The following CTC1 variants were observed in gnomAD, a reference collection of about 807,000 sequenced individuals.
The protein encoded by CTC1 is CST complex subunit CTC1.
In CTC1, 91 loss-of-function variants were observed where a neutral mutation model predicts 136.3. The observed-to-expected ratio is 0.67, with a 90% confidence interval of 0.56 to 0.79. CTC1 has a LOEUF of 0.79. Among genes scored for constraint, CTC1 ranks in the 30% least tolerant of loss-of-function variants. CTC1 has a pLI of 0.00. For missense variants in CTC1, 1,432 were observed against 1,498.1 expected, an observed-to-expected ratio of 0.96 and a Z score of 0.73; for synonymous variants, 606 against 613.8, an observed-to-expected ratio of 0.99 and a Z score of 0.19.
In CTC1 at chr17:8,244,031, T is replaced by G. The variant is rs372899340; in HGVS notation, c.34-883A>C. 7.0e-4 allele frequency among the ~76,000 whole-genome samples: 107 copies of G among 152,290 alleles called. 3 individuals carry two copies. In the South Asian group the frequency reaches 0.016, roughly 22 times the overall value. ...CTTCAGTGAACCCAGATGGCGCCAC[T>G]GCACTCTGGCCTGGGTGACAGAGTG... On this transcript the variant is annotated intron_variant, in intron 1 of 22. Transcript: ENST00000651323.
rs200759730 is a variant in CTC1 at position 8,231,762 on chromosome 17, C to T, written c.2439G>A (p.Pro813=). 2.0e-5 allele frequency: 32 copies of T among 1,614,022 alleles called. No individual in the cohort carries two copies. The highest frequency in any genetic ancestry group is 3.3e-4 in the Middle Eastern group (2 of 6,084). ...SSVRWFEFLH[P]GQVYRLIAPG... is the part of the protein sequence containing the mutation. ...GAGCTATGAGTCGGTACACCTGTCCCGGGTGCAAGAACTCAAACCAGCGGA... is the reference window on the plus strand; with the variant it reads ...GAGCTATGAGTCGGTACACCTGTCCTGGGTGCAAGAACTCAAACCAGCGGA... The change falls in exon 14 of 23, where the codon CCG becomes CCA. Residue 813 remains proline (P), a synonymous_variant. Coordinates refer to ENST00000651323, the MANE Select transcript of CTC1 (RefSeq NM_025099.6).
intron 11 of CTC1, 49 bp downstream of exon 11, chr17:8,232,857 G>A: frequency 5.6e-6 from 9 of 1,600,406 alleles, no homozygotes; most frequent in Non-Finnish European, 6.8e-6. Context: ...CCCTGGCTAT[G>A]AGAACCACCA....
At position 8,226,784 on chromosome 17, in the gene CTC1, A is replaced by G. The variant is rs534584342; in HGVS notation, c.*1396T>C. 3 of 152,294 alleles carry G rather than the reference A, an allele frequency of 2.0e-5. No individual in the cohort carries two copies. The East Asian group carries it at 5.8e-4, about 29-fold the overall frequency. 9.4% of individuals were successfully genotyped at this position (152,294 alleles called of 1,614,324 possible). ...ATGAAAGCGCTTCAGGGAAAAAAAG[A>G]CGCGGCGGTTGCACGTGAACCTTCC... On this transcript the variant is annotated 3_prime_UTR_variant, in exon 23 of 23. Transcript: ENST00000651323.
At chr17:8,233,905 C>G (rs1048821621) in intron 10 of CTC1, among the ~76,000 whole-genome samples, 3 of 152,216 alleles carry the variant, frequency 2.0e-5, no homozygotes, top group Admixed American at 2.0e-4. Context: ...CCAATGCACT[C>G]TAGCCTGGGC....
Position 8,230,622 on chromosome 17 carries a change from G to A in CTC1, c.2699C>T (p.Ala900Val), listed in dbSNP as rs1408453833. 2.5e-6 allele frequency: 4 copies of A among 1,614,196 alleles called. No homozygotes were observed. In the East Asian group the frequency reaches 8.9e-5, roughly 36 times the overall value. Residue 900 changes from alanine (A) to valine (V), a missense_variant, in exon 16 of 23, where the codon GCT (alanine) becomes GTT (valine). Ala to Val is a moderately conservative substitution (Grantham distance 64). Transcript: ENST00000651323. The part of the protein sequence containing the change: ...NFTDSLVSFS[A>V]EILSRTLCEP... ...ACATAGTGTCCGTGACAAAATCTCA[G>A]CGGAGAAAGACACCAAGGAATCTGT...
intron 1 of CTC1, 75 bp from the exon 2 acceptor site, chr17:8,243,223 AG>A (rs1258578423): frequency 7.0e-7 from 1 of 1,427,090 alleles, no homozygotes; most frequent in Non-Finnish European, 9.5e-7. Context: ...ATAAAGGACT[AG>A]AAAAAAATAT....
rs1414309189 is a variant in CTC1, at chr17:8,225,958, T to C, written c.*2222A>G. 2 of 152,046 alleles carry C rather than the reference T, an allele frequency of 1.3e-5. No homozygotes were observed. The highest frequency in any genetic ancestry group is 2.4e-5 in the African/African-American group (1 of 41,360). The allele number at this position is 152,046 out of a possible 1,614,324, so 9.4% of individuals were successfully genotyped here. On this transcript the variant is annotated 3_prime_UTR_variant, in exon 23 of 23. Coordinates refer to ENST00000651323, the MANE Select transcript of CTC1 (RefSeq NM_025099.6). ...AGAGGCCTGGAAGGTGGGCAGCCCC[T>C]TCCATCGAGGGTGGGGCGGCCGCCT... is the stretch of plus-strand genomic sequence containing the variant.
intron 14 of CTC1, 92 bp downstream of exon 14, chr17:8,231,634 C>A: frequency 7.6e-7 from 1 of 1,316,102 alleles, no homozygotes. Flanking sequence ...TTCCAGGAGG[C>A]CTAGAGAATG....
rs965475589 is a variant in CTC1, at chr17:8,227,966, A to T, written c.*214T>A. 1.9e-6 allele frequency: 1 copy of T among 531,660 alleles called. No homozygotes were observed. The highest frequency in any genetic ancestry group is 3.4e-6 in the Non-Finnish European group (1 of 296,284). 32.9% of individuals were successfully genotyped at this position (531,660 alleles called of 1,614,324 possible). A position where few individuals can be genotyped will look rare whatever the true frequency, so the allele number is the denominator to read the frequency against. ...TGAATGCAGGTGCCTTGTCCCAATC[A>T]GAGGACATATTAATAGGGCCATGAT... On this transcript the variant is annotated 3_prime_UTR_variant, in exon 23 of 23. Coordinates refer to ENST00000651323, the MANE Select transcript of CTC1 (RefSeq NM_025099.6).
At chr17:8,234,715 G>A (rs1028494893) in intron 9 of CTC1, 34 bp downstream of exon 9, 3 of 1,582,046 alleles carry the variant, frequency 1.9e-6, no homozygotes, top group African/African-American at 2.7e-5. Context: ...GTCCTCCAGT[G>A]TTCTGCCACC....
At chr17:8,233,691 C>G (rs750988024) in intron 10 of CTC1, among the ~76,000 whole-genome samples, 3 of 152,178 alleles carry the variant, frequency 2.0e-5, no homozygotes, top group Non-Finnish European at 2.9e-5. Flanking sequence ...ACTGCTTGAG[C>G]CCAGGAGGCA....
At position 8,237,955 on chromosome 17, in the gene CTC1, C is replaced by T. The variant is rs1412784414; in HGVS notation, c.647+76G>A. On this transcript the variant is annotated intron_variant, in intron 4 of 22. Transcript: ENST00000651323. ...TCTATATTACTATCAATGCCCTTTTCTTTCTCTCCCTCCACTGACCCAGCA... is the reference window on the plus strand; with the variant it reads ...TCTATATTACTATCAATGCCCTTTTTTTTCTCTCCCTCCACTGACCCAGCA... 351 of 1,200,716 alleles carry T rather than the reference C, an allele frequency of 2.9e-4. 2 individuals are homozygous for T. Among genetic ancestry groups the T allele is most frequent in the Non-Finnish European group, 1.1e-5 (9 of 829,708 alleles). The allele number at this position is 1,200,716 out of a possible 1,614,324, so 74.4% of individuals were successfully genotyped here.
intron 4 of CTC1, 63 bp from the exon 5 acceptor site, chr17:8,237,582 T>A: frequency 6.9e-7 from 1 of 1,444,732 alleles, no homozygotes; most frequent in Middle Eastern, 1.8e-4. Context: ...GGAGAATCAC[T>A]TGAACCTGAA....
rs993081062 is a variant in CTC1, at chr17:8,228,517, T to G, written c.3500A>C (p.Lys1167Thr). Reference protein sequence around the residue: ...LSFELERKPSKIVPLEPPRLQ... With the variant: ...LSFELERKPSTIVPLEPPRLQ... Reference sequence around the variant, plus strand: ...TCCAACCTTACCTAATGGGACGATCTTCGACGGTTTCCTTTCCAGCTCAAA... The same window carrying G: ...TCCAACCTTACCTAATGGGACGATCGTCGACGGTTTCCTTTCCAGCTCAAA... Residue 1167 changes from lysine to threonine, a missense_variant, in exon 22 of 23, where the codon AAG (lysine) becomes ACG (threonine). Physicochemically the swap from Lys to Thr is moderately conservative, Grantham distance 78. Coordinates refer to ENST00000651323, the MANE Select transcript of CTC1 (RefSeq NM_025099.6). 2 of 1,614,028 alleles carry G rather than the reference T, an allele frequency of 1.2e-6. No homozygotes were observed. The highest frequency in any genetic ancestry group is 2.7e-5 in the African/African-American group (2 of 74,916).
In CTC1 at chr17:8,232,010, C is replaced by T. The variant is rs139078502; in HGVS notation, c.2278G>A (p.Ala760Thr). The change falls in exon 13 of 23, where the codon GCC becomes ACC. Residue 760 changes from alanine to threonine, a missense_variant. Ala to Thr is a moderately conservative substitution (Grantham distance 58). Coordinates refer to ENST00000651323, the MANE Select transcript of CTC1 (RefSeq NM_025099.6). ...CTCCCCAACACATAGAAACTGAGGG[C>T]GGGCTTGGGCACCTCTGGACTTGCT... is the stretch of plus-strand genomic sequence containing the variant. ...PGASPEVPKP[A>T]LSFYVLGSWL... 91 of 1,602,130 alleles carry T rather than the reference C, an allele frequency of 5.7e-5. 1 individual carries two copies. In the East Asian group the frequency reaches 6.5e-4, roughly 11 times the overall value.
rs971665140 is a variant in CTC1, at chr17:8,231,282, C to T, written c.2663G>A (p.Ser888Asn). 2 of 1,551,294 alleles carry T rather than the reference C, an allele frequency of 1.3e-6. No individual in the cohort carries two copies. Among genetic ancestry groups the T allele is most frequent in the Non-Finnish European group, 1.8e-6 (2 of 1,141,848 alleles). ...LPESSLTDLL[S>N]DNFTDSLVSF... ...GGGCTTGGTGGACATTTACTTGTCA[C>T]TGAGCAGGTCGGTCAGTGAGGATTC... Residue 888 changes from serine (S) to asparagine (N), a missense_variant, in exon 15 of 23, where the codon AGT (serine) becomes AAT (asparagine). Transcript: ENST00000651323.
Position 8,232,180 on chromosome 17 carries a change from G to A in CTC1, c.2108C>T (p.Pro703Leu). The A allele has an allele frequency of 6.5e-7, 1 of 1,526,872 alleles. No homozygotes were observed. Among genetic ancestry groups the A allele is most frequent in the African/African-American group, 1.4e-5 (1 of 71,934 alleles). 94.6% of individuals were successfully genotyped at this position (1,526,872 alleles called of 1,614,324 possible). Residue 703 changes from proline (P) to leucine (L), a missense_variant, in exon 13 of 23, where the codon CCC (proline) becomes CTC (leucine). Pro to Leu is a moderately conservative substitution (Grantham distance 98). Transcript: ENST00000651323. The part of the protein sequence containing the change: ...FLADALILPV[P>L]RPCLHSATPS... Reference sequence around the variant, plus strand: ...TGTTGCTGAATGAAGGCAGGGTCTGGGCACAGGCAGGATCAGGGCATCAGC... The same window carrying A: ...TGTTGCTGAATGAAGGCAGGGTCTGAGCACAGGCAGGATCAGGGCATCAGC...
chr17:8,238,656 T>C, intron 2 of CTC1, 27 bp from the exon 3 acceptor site: 1 of 1,524,306 alleles, frequency 6.6e-7, no homozygotes, highest in South Asian at 1.3e-5. Context: ...ACAGAGGTCC[T>C]GCAAAGCCAG....
rs1206647590 is a variant in CTC1, at chr17:8,234,440, T to C, written c.1818+15A>G. Reference sequence around the variant, plus strand: ...AAAAGGGAAATCACCTGAGCCCTGCTAGGGTCCCCCTTACCTGGGCTGGGC... The same window carrying C: ...AAAAGGGAAATCACCTGAGCCCTGCCAGGGTCCCCCTTACCTGGGCTGGGC... On this transcript the variant is annotated intron_variant, in intron 10 of 22. Transcript: ENST00000651323. 1 of 1,551,046 alleles carries C rather than the reference T, an allele frequency of 6.4e-7. No homozygotes were observed. Among genetic ancestry groups the C allele is most frequent in the Admixed American group, 2.0e-5 (1 of 50,996 alleles).
Sources: gnomAD v4.1 joint callset for allele counts (sites outside exome capture counted in the v4.1 genomes callset) on GRCh38, gnomAD v4.1.1 for gene constraint, MANE v1.5 for transcripts, NCBI Gene and HGNC (gene_info 2026-07-23, HGNC 2026-07-21) for gene names.